Variants in SPATA7 observed in about 807,000 individuals in gnomAD.
SPATA7 encodes spermatogenesis-associated protein 7.
SPATA7 carries 43 observed loss-of-function variants against 51.8 expected under a neutral mutation model. The observed-to-expected ratio is 0.83, with a 90% confidence interval of 0.65 to 1.07. The LOEUF is 1.07. SPATA7 is among the 50% of genes least tolerant of loss of function. The pLI, the probability that SPATA7 is intolerant of heterozygous loss-of-function variation, is 0.00. For synonymous variants in SPATA7, 230 were observed against 252.8 expected, an observed-to-expected ratio of 0.91 and a Z score of 0.86; for missense variants, 683 against 701.3, an observed-to-expected ratio of 0.97 and a Z score of 0.30.
At chr14:88,448,023 C>T (rs1291175458) in intron 3 of SPATA7, among the ~76,000 whole-genome samples, 4,908 of 150,684 alleles carry the variant, frequency 0.033, 258 homozygotes, top group African/African-American at 0.12. Flanking sequence ...TGAATCTGAA[C>T]GTTGGCCTGC....
At chr14:88,385,871 C>T (rs780846299) in intron 1 of SPATA7, 34 bp downstream of exon 1, 6 of 1,587,194 alleles carry the variant, frequency 3.8e-6, no homozygotes, top group African/African-American at 2.7e-5. Context: ...ACCGCCGCCT[C>T]GCCCCTCGCT....
chr14:88,415,086 G>A, intron 4 of SPATA7: 1 of 174,198 alleles, frequency 5.7e-6, no homozygotes, highest in Non-Finnish European at 1.3e-5. Context: ...TTGGTCAGGT[G>A]TCAAATTTAA....
intron 3 of SPATA7, among the ~76,000 whole-genome samples, chr14:88,454,033 A>G (rs977774078): frequency 2.0e-5 from 3 of 152,180 alleles, no homozygotes; most frequent in African/African-American, 7.2e-5. Flanking sequence ...TTCCAACCCA[A>G]CAAACCCTCA....
intron 10 of SPATA7, among the ~76,000 whole-genome samples, chr14:88,434,195 G>C (rs1289023301): frequency 6.6e-6 from 1 of 152,088 alleles, no homozygotes; most frequent in Non-Finnish European, 1.5e-5. Context: ...TTTTTCTCAA[G>C]ATTATAAGAC....
At position 88,469,770 on chromosome 14, in the gene SPATA7, C is replaced by T. The variant is rs753579009; in HGVS notation, c.255-77C>T. The T allele has an allele frequency of 1.0e-5, 16 of 1,607,722 alleles. No individual in the cohort carries two copies. Among genetic ancestry groups the T allele is most frequent in the Admixed American group, 3.3e-5 (2 of 59,978 alleles). On this transcript the variant is annotated intron_variant, in intron 4 of 4. Coordinates refer to the SPATA7 transcript ENST00000556406. The surrounding 1 kb of genome is among the most constrained non-coding windows in gnomAD (Gnocchi z 4.3). ...GAGCATGGTTAAATGACTCGAGATC[C>T]GGCAATGGATGCCTTTCTCACATAG...
intron 4 of SPATA7, among the ~76,000 whole-genome samples, chr14:88,399,780 A>G (rs930048459): frequency 1.3e-5 from 2 of 152,248 alleles, no homozygotes; most frequent in Non-Finnish European, 2.9e-5. Context: ...TCAACTTAAC[A>G]GGAAGATGTA....
At chr14:88,448,587 T>C (rs1473483503) in intron 3 of SPATA7, among the ~76,000 whole-genome samples, 9 of 152,340 alleles carry the variant, frequency 5.9e-5, no homozygotes, top group African/African-American at 1.7e-4. Flanking sequence ...CCAGTTTTTC[T>C]GCTCTGTTTT....
intron 3 of SPATA7, among the ~76,000 whole-genome samples, chr14:88,445,298 G>A (rs1396372612): frequency 2.0e-5 from 3 of 149,842 alleles, no homozygotes; most frequent in Non-Finnish European, 4.5e-5. Context: ...TCTGTTGTTG[G>A]TGTATAAGAA....
intron 4 of SPATA7, among the ~76,000 whole-genome samples, chr14:88,403,072 G>A (rs1379446305): frequency 6.6e-6 from 1 of 151,540 alleles, no homozygotes; most frequent in Non-Finnish European, 1.5e-5. Context: ...GTATGAAAAG[G>A]TGCTTAACAT....
In SPATA7 at chr14:88,426,240, C is replaced by G; in HGVS notation, c.381C>G (p.Gly127=). Residue 127 remains glycine (G), a synonymous_variant, in exon 6 of 12, where the codon GGC becomes GGG. Transcript: ENST00000393545. ...ATATCGAATGTTCTTAGCCCTCAGGCGAACCGCAAATTGAGGATGACATGT... is the reference window on the plus strand; with the variant it reads ...ATATCGAATGTTCTTAGCCCTCAGGGGAACCGCAAATTGAGGATGACATGT... ...SLFNTLQKPS[G]EPQIEDDMLK... 1.9e-6 allele frequency: 3 copies of G among 1,613,026 alleles called. No homozygotes were observed. Among genetic ancestry groups the G allele is most frequent in the Non-Finnish European group, 1.7e-6 (2 of 1,179,334 alleles).
intron 3 of SPATA7, among the ~76,000 whole-genome samples, chr14:88,447,049 C>T (rs2077218662): frequency 6.6e-6 from 1 of 152,004 alleles, no homozygotes; most frequent in African/African-American, 2.4e-5. Context: ...TGTTGACTTT[C>T]TGTCTCGTTG....
chr14:88,469,249 C>T lies in SPATA7; in HGVS notation c.255-598C>T, dbSNP rs1294598068. Among the ~76,000 whole-genome samples, 1 of 152,162 alleles carries T rather than the reference C, an allele frequency of 6.6e-6. No homozygotes were observed. The highest frequency in any genetic ancestry group is 1.5e-5 in the Non-Finnish European group (1 of 68,024). On this transcript the variant is annotated intron_variant, in intron 4 of 4. Transcript: ENST00000556406. The surrounding 1 kb of genome is among the most constrained non-coding windows in gnomAD (Gnocchi z 4.3). ...AGTGTGACCCTGAGCAAGTCACTAC[C>T]TCTGTCCACTTTCTGATCTACAAAA... is the stretch of plus-strand genomic sequence containing the variant.
At chr14:88,460,782 G>A (rs553512844) in intron 4 of SPATA7, among the ~76,000 whole-genome samples, 13 of 152,256 alleles carry the variant, frequency 8.5e-5, no homozygotes, top group Admixed American at 3.9e-4. Flanking sequence ...GGGGAGAGGC[G>A]CTCTGATTTT....
exon 5 of SPATA7, chr14:88,470,044 C>CA: frequency 6.2e-7 from 1 of 1,612,670 alleles, no homozygotes; most frequent in Non-Finnish European, 8.5e-7. Context: ...ATTCCACTGA[C>CA]AGAGACCTGG....
At chr14:88,436,525 A>C (rs530265766) in intron 10 of SPATA7, among the ~76,000 whole-genome samples, 4 of 152,078 alleles carry the variant, frequency 2.6e-5, no homozygotes, top group Admixed American at 2.6e-4. Context: ...ATTTTCCCTC[A>C]ATGTTTTCAT....
chr14:88,386,028 G>C lies in SPATA7; in HGVS notation c.19+191G>C, dbSNP rs546324628. 5,307 of 1,451,270 alleles carry C rather than the reference G, an allele frequency of 3.7e-3. 9 individuals carry two copies. Among genetic ancestry groups the C allele is most frequent in the Non-Finnish European group, 4.0e-3 (4,442 of 1,105,858 alleles). The allele number at this position is 1,451,270 out of a possible 1,614,324, so 89.9% of individuals were successfully genotyped here. A position where few individuals can be genotyped will look rare whatever the true frequency, so the allele number is the denominator to read the frequency against. ...GAGGGAGAGCCTGCTTGCCAGCCTC[G>C]CAGGTCCGCTTCTTTGCCCTGAATT... On this transcript the variant is annotated intron_variant, in intron 1 of 11. Transcript: ENST00000393545.
chr14:88,414,511 T>C (rs757420859), intron 4 of SPATA7, among the ~76,000 whole-genome samples: 1 of 152,176 alleles, frequency 6.6e-6, no homozygotes, highest in Non-Finnish European at 1.5e-5. Context: ...ACCAACTTTT[T>C]GTTTCATTGA....
chr14:88,416,884 A>G (rs1445002966), intron 5 of SPATA7, 40 bp downstream of exon 5: 4 of 1,534,576 alleles, frequency 2.6e-6, no homozygotes, highest in East Asian at 4.5e-5. Flanking sequence ...AAATGTTTCT[A>G]AGGTACTTCT....
At chr14:88,444,062 G>GA (rs1377964572) in intron 3 of SPATA7, among the ~76,000 whole-genome samples, 1 of 151,898 alleles carries the variant, frequency 6.6e-6, no homozygotes, top group Non-Finnish European at 1.5e-5. Context: ...TCGCCACACT[G>GA]ACTTTCACAA....
Sources: gnomAD v4.1 joint callset for allele counts (sites outside exome capture counted in the v4.1 genomes callset) on GRCh38, gnomAD v4.1.1 for gene constraint, Gnocchi (gnomAD v3.1) non-coding constraint, MANE v1.5 for transcripts, NCBI Gene and HGNC (gene_info 2026-07-23, HGNC 2026-07-21) for gene names.